ATP10A: variants seen among roughly 807,000 people sequenced by gnomAD.
ATP10A encodes the protein phospholipid-transporting ATPase VA.
ATP10A carries 111 observed loss-of-function variants against 147.8 expected under a neutral mutation model. The ratio of observed to expected loss-of-function variants is 0.75; its 90% CI spans 0.64 to 0.88. The LOEUF (loss-of-function observed/expected upper bound fraction) is 0.88. Ranked by LOEUF, ATP10A falls within the 40% of genes least tolerant of loss-of-function variation. ATP10A has a pLI of 0.00. For missense variants in ATP10A, 1,927 were observed against 1,959.0 expected (o/e 0.98, Z 0.31); for synonymous variants, 875 against 841.6 (o/e 1.04, Z -0.69).
chr15:25,756,146 A>G (rs112190534), intron 2 of ATP10A, among the ~76,000 whole-genome samples: 1 of 152,224 alleles, frequency 6.6e-6, no homozygotes. Flanking sequence ...CTGCAAATTT[A>G]GGGTTCCTAG....
chr15:25,860,773 C>T (rs1026031163), intron 1 of ATP10A, among the ~76,000 whole-genome samples: 2 of 152,180 alleles, frequency 1.3e-5, no homozygotes, highest in African/African-American at 4.8e-5. Context: ...AGATCCCAAC[C>T]TCAGTTTCCT....
intron 1 of ATP10A, among the ~76,000 whole-genome samples, chr15:25,798,649 C>A (rs572792905): frequency 3.3e-5 from 5 of 152,206 alleles, no homozygotes; most frequent in African/African-American, 1.2e-4. Flanking sequence ...AGAGAAGGCA[C>A]GCTCTTTTCC....
chr15:25,678,516 C>T (rs1899191452), downstream of ATP10A: 2 of 152,210 alleles, frequency 1.3e-5, 1 homozygote, highest in South Asian at 4.1e-4. Context: ...GACCGCTGAG[C>T]TCCTTGGCAC....
chr15:25,765,852 A>G (rs759655489), intron 2 of ATP10A, among the ~76,000 whole-genome samples: 1 of 152,192 alleles, frequency 6.6e-6, no homozygotes, highest in Non-Finnish European at 1.5e-5. Context: ...GCAGCAGGGC[A>G]GTGCTGAGGG....
At chr15:25,732,404 G>A (rs1004758840) in intron 3 of ATP10A, among the ~76,000 whole-genome samples, 4 of 151,650 alleles carry the variant, frequency 2.6e-5, no homozygotes, top group Admixed American at 6.6e-5. Flanking sequence ...CCCAGCTAAC[G>A]AGAACATTTT....
rs1901850879 is a variant in ATP10A at position 25,716,862 on chromosome 15, T to G, written c.1644A>C (p.Leu548=). ...LEKVSECDKS[L]AVARHQEHLL... ...GGTGCTCCTGATGCCTCGCCACGGCTAGGCTCTTGTCACACTCACTCACCT... is the reference window on the plus strand; with the variant it reads ...GGTGCTCCTGATGCCTCGCCACGGCGAGGCTCTTGTCACACTCACTCACCT... Residue 548 remains leucine, a synonymous_variant, in exon 9 of 21, where the codon CTA becomes CTC. Coordinates refer to ENST00000555815, the MANE Select transcript of ATP10A (RefSeq NM_024490.4). The G allele has an allele frequency of 1.2e-6, 2 of 1,609,288 alleles. No homozygotes were observed. Among genetic ancestry groups the G allele is most frequent in the African/African-American group, 1.3e-5 (1 of 74,710 alleles).
intron 1 of ATP10A, among the ~76,000 whole-genome samples, chr15:25,842,768 C>T (rs905653148): frequency 6.6e-6 from 1 of 152,036 alleles, no homozygotes; most frequent in African/African-American, 2.4e-5. Flanking sequence ...ACTCACAGTT[C>T]AGTGGCACAA....
At chr15:25,690,472 T>G (rs1899964169) in intron 15 of ATP10A, among the ~76,000 whole-genome samples, 1 of 152,186 alleles carries the variant, frequency 6.6e-6, no homozygotes, top group South Asian at 2.1e-4. Flanking sequence ...ACTCCTGGCC[T>G]CTGGTGATCC....
chr15:25,858,310 G>C (rs1016379353), intron 1 of ATP10A, among the ~76,000 whole-genome samples: 2 of 152,054 alleles, frequency 1.3e-5, no homozygotes, highest in African/African-American at 4.8e-5. Flanking sequence ...GCTTCCCAGG[G>C]GAAAGATGTG....
chr15:25,685,032 C>T (rs1216121547), intron 16 of ATP10A, among the ~76,000 whole-genome samples: 3 of 152,126 alleles, frequency 2.0e-5, no homozygotes, highest in Non-Finnish European at 4.4e-5. Context: ...CACTCACCCC[C>T]GCAGGCTTGG....
At chr15:25,723,779 T>G in intron 6 of ATP10A, 112 bp downstream of exon 6, 1 of 939,846 alleles carries the variant, frequency 1.1e-6, no homozygotes, top group Non-Finnish European at 1.5e-6. Flanking sequence ...GGTAGATATA[T>G]TTGCCATCTT....
Position 25,691,759 on chromosome 15 carries a change from C to A in ATP10A, c.3121G>T (p.Val1041Leu), listed in dbSNP as rs1244887710. Residue 1041 changes from valine (V) to leucine (L), a missense_variant, in exon 15 of 21, where the codon GTG becomes TTG. Transcript: ENST00000555815. ...DGANDVSMIQVADVGVGISGQ... is the reference protein window; with the variant it reads ...DGANDVSMIQLADVGVGISGQ... ...GAGATTCCCACACCCACATCTGCCA[C>A]CTGGATCATGCTGACATCATTGGCT... 3.7e-6 allele frequency: 6 copies of A among 1,614,064 alleles called. No individual in the cohort carries two copies. The highest frequency in any genetic ancestry group is 5.1e-6 in the Non-Finnish European group (6 of 1,180,038).
chr15:25,787,967 G>A (rs1241222127), intron 1 of ATP10A, among the ~76,000 whole-genome samples: 1 of 152,154 alleles, frequency 6.6e-6, no homozygotes, highest in Non-Finnish European at 1.5e-5. Context: ...CTTCCCTCTG[G>A]GCTAAACAAG....
At chr15:25,817,510 TG>T (rs1891713491) in intron 1 of ATP10A, among the ~76,000 whole-genome samples, 1 of 152,344 alleles carries the variant, frequency 6.6e-6, no homozygotes, top group East Asian at 1.9e-4. Flanking sequence ...ATTAGCAATA[TG>T]GGGAAATACA....
intron 1 of ATP10A, among the ~76,000 whole-genome samples, chr15:25,827,890 T>A (rs1892183401): frequency 6.6e-6 from 1 of 152,176 alleles, no homozygotes; most frequent in Non-Finnish European, 1.5e-5. Flanking sequence ...TCCATCTATA[T>A]GTGATCTGTA....
chr15:25,727,621 C>T (rs1902661822), intron 3 of ATP10A, among the ~76,000 whole-genome samples: 1 of 152,222 alleles, frequency 6.6e-6, no homozygotes, highest in Non-Finnish European at 1.5e-5. Context: ...CTGTACATCT[C>T]CTGCTCAACA....
intron 1 of ATP10A, among the ~76,000 whole-genome samples, chr15:25,821,511 G>A (rs1259161045): frequency 6.6e-6 from 1 of 152,146 alleles, no homozygotes; most frequent in Non-Finnish European, 1.5e-5. Flanking sequence ...TTAAAGGAAA[G>A]ATCAAATTTA....
At chr15:25,790,689 C>A (rs555873924) in intron 1 of ATP10A, among the ~76,000 whole-genome samples, 1 of 152,348 alleles carries the variant, frequency 6.6e-6, no homozygotes, top group East Asian at 1.9e-4. Context: ...GTATCACTTA[C>A]AAACCTCTTA....
At chr15:25,803,712 G>A (rs1053233769) in intron 1 of ATP10A, among the ~76,000 whole-genome samples, 1 of 152,166 alleles carries the variant, frequency 6.6e-6, no homozygotes, top group Non-Finnish European at 1.5e-5. Flanking sequence ...ACTCCGGCAG[G>A]GCCTGTGGAA....
Sources: allele counts gnomAD v4.1 joint callset (sites outside exome capture counted in the v4.1 genomes callset), GRCh38; gene constraint gnomAD v4.1.1; transcripts MANE v1.5; gene names NCBI Gene and HGNC (gene_info 2026-07-23, HGNC 2026-07-21).